Variants in NECAB2 observed in about 807,000 individuals in gnomAD.
NECAB2 encodes N-terminal EF-hand calcium binding protein 2.
Under a neutral mutation model 51.9 loss-of-function variants are expected in NECAB2, and 68 were observed. That is an observed-to-expected ratio of 1.31 (90% CI 1.08 to 1.60). The LOEUF is 1.60. Among genes scored for constraint, NECAB2 ranks in the 40% most tolerant of loss-of-function variants. The pLI is 0.00. For missense variants in NECAB2, 854 were observed against 490.3 expected, an observed-to-expected ratio of 1.74 and a Z score of -7.00; for synonymous variants, 329 against 203.5, an observed-to-expected ratio of 1.62 and a Z score of -5.25.
intron 6 of NECAB2, among the ~76,000 whole-genome samples, chr16:83,991,662 T>G (rs1413390372): frequency 6.6e-6 from 1 of 151,526 alleles, no homozygotes; most frequent in Non-Finnish European, 1.5e-5. Context: ...CTTATTTTAT[T>G]TATTGACACA....
chr16:83,999,337 T>A (rs1232805564), intron 10 of NECAB2, among the ~76,000 whole-genome samples: 4 of 152,158 alleles, frequency 2.6e-5, no homozygotes, highest in Admixed American at 2.6e-4. Context: ...CTTGATCTTT[T>A]TCCATTACGT....
chr16:83,993,832 G>C (rs2084657584), intron 6 of NECAB2, among the ~76,000 whole-genome samples: 1 of 152,130 alleles, frequency 6.6e-6, no homozygotes, highest in Admixed American at 6.5e-5. Context: ...TGTCTCTTTA[G>C]GTCTCGCTTT....
At chr16:83,999,219 C>G (rs543982267) in intron 10 of NECAB2, among the ~76,000 whole-genome samples, 4 of 152,194 alleles carry the variant, frequency 2.6e-5, no homozygotes, top group South Asian at 2.1e-4. Context: ...CGGCCGTTCC[C>G]GAGACTCGGC....
chr16:83,988,198 T>A (rs2084578902), intron 5 of NECAB2, among the ~76,000 whole-genome samples: 1 of 152,224 alleles, frequency 6.6e-6, no homozygotes, highest in Non-Finnish European at 1.5e-5. Context: ...CCACCTTTTT[T>A]ATTATGATTG....
At chr16:83,980,667 G>C (rs1049978231) in intron 3 of NECAB2, among the ~76,000 whole-genome samples, 172 bp from the exon 4 acceptor site, 7 of 152,172 alleles carry the variant, frequency 4.6e-5, no homozygotes, top group Non-Finnish European at 7.4e-5. Context: ...TGGGCCTTCA[G>C]GGGCGGGGGT....
chr16:83,982,401 A>G (rs2084499724), intron 5 of NECAB2, among the ~76,000 whole-genome samples: 1 of 152,174 alleles, frequency 6.6e-6, no homozygotes, highest in African/African-American at 2.4e-5. Context: ...TCTTTGTAGA[A>G]TATCGTTTGA....
At chr16:83,968,873 C>T in intron 1 of NECAB2, 24 bp downstream of exon 1, 3 of 1,108,068 alleles carry the variant, frequency 2.7e-6, no homozygotes, top group East Asian at 5.0e-5. Context: ...GGCCGGGACC[C>T]CCGCCGTGGC....
Position 83,980,864 on chromosome 16 carries a change from G to A in NECAB2, c.361G>A (p.Asp121Asn). The A allele has an allele frequency of 6.2e-7, 1 of 1,607,886 alleles. No homozygotes were observed. The highest frequency in any genetic ancestry group is 8.5e-7 in the Non-Finnish European group (1 of 1,176,758). ...TNHVDTKELC[D>N]YFVDHMGDYE... ...CCATGTGGACACCAAGGAGCTGTGT[G>A]GTAGGTGCCTGGCTATGCTGGGACC... Residue 121 changes from aspartate to asparagine, a missense_variant and splice_region_variant, in exon 4 of 13, where the codon GAT becomes AAT. Physicochemically the swap from Asp to Asn is conservative, Grantham distance 23. Transcript: ENST00000305202.
intron 5 of NECAB2, among the ~76,000 whole-genome samples, chr16:83,983,489 A>G (rs1487925180): frequency 1.3e-5 from 2 of 152,178 alleles, no homozygotes; most frequent in Non-Finnish European, 2.9e-5. Flanking sequence ...CCTTGTCAGC[A>G]TGTTGGAGAA....
intron 6 of NECAB2, among the ~76,000 whole-genome samples, chr16:83,992,588 G>C (rs1457316392): frequency 6.6e-6 from 1 of 152,176 alleles, no homozygotes. Context: ...GTTTGCTGGG[G>C]GACTGGGGTT....
intron 5 of NECAB2, among the ~76,000 whole-genome samples, chr16:83,984,521 A>G (rs900399125): frequency 1.3e-5 from 2 of 151,600 alleles, no homozygotes; most frequent in African/African-American, 2.4e-5. Context: ...CCAGAAGTTC[A>G]AGACCACCCT....
intron 3 of NECAB2, among the ~76,000 whole-genome samples, 188 bp downstream of exon 3, chr16:83,978,740 T>G (rs550241404): frequency 3.8e-4 from 58 of 152,180 alleles, no homozygotes; most frequent in Admixed American, 8.5e-4. Context: ...CATATTGCAT[T>G]GGCTACTATC....
At chr16:83,998,629 C>G (rs747816543) in intron 10 of NECAB2, among the ~76,000 whole-genome samples, 3 of 152,272 alleles carry the variant, frequency 2.0e-5, no homozygotes, top group East Asian at 3.9e-4. Context: ...GTGAAGGGCT[C>G]CAGCTGGGCC....
Position 83,968,280 on chromosome 16 carries a change from G to C in NECAB2, c.-369G>C, listed in dbSNP as rs1318098080. 6.6e-6 allele frequency among the ~76,000 whole-genome samples: 1 copy of C among 151,394 alleles called. No homozygotes were observed. Among genetic ancestry groups the C allele is most frequent in the Admixed American group, 6.6e-5 (1 of 15,202 alleles). ...GCCGCGAGTGGGAGGGGGGACTTTA[G>C]AAGCGGGGAGAGCAGGAGACTTTTG... On this transcript the variant is annotated 5_prime_UTR_variant, in exon 1 of 13. Coordinates refer to ENST00000305202, the MANE Select transcript of NECAB2 (RefSeq NM_019065.3).
At chr16:84,000,627 G>A (rs2151103299) in intron 10 of NECAB2, 97 bp from the exon 11 acceptor site, 2 of 893,094 alleles carry the variant, frequency 2.2e-6, no homozygotes, top group East Asian at 2.4e-5. Context: ...GGCAGCCGTT[G>A]TGTATAGTGG....
At chr16:83,994,818 G>A in intron 8 of NECAB2, 130 bp downstream of exon 8, 1 of 1,056,582 alleles carries the variant, frequency 9.5e-7, no homozygotes, top group Non-Finnish European at 1.4e-6. Context: ...CATCCCCCAG[G>A]TGGGGCGTGG....
At chr16:83,985,830 GTGTT>G (rs1297664672) in intron 5 of NECAB2, among the ~76,000 whole-genome samples, 1 of 151,844 alleles carries the variant, frequency 6.6e-6, no homozygotes, top group Non-Finnish European at 1.5e-5. Flanking sequence ...CATTACATTT[GTGTT>G]TGTTTTTGTA....
intron 8 of NECAB2, among the ~76,000 whole-genome samples, chr16:83,995,697 G>C (rs2084688155): frequency 6.6e-6 from 1 of 152,070 alleles, no homozygotes; most frequent in African/African-American, 2.4e-5. Context: ...TTTAGTTTGG[G>C]GGTTCTCAGG....
chr16:83,990,256 A>G lies in NECAB2; in HGVS notation c.460-238A>G, dbSNP rs2084605069. ...TTCAGTGACCCCATTATACTCTGGG[A>G]GGTCACAGAGCTAGTAAGTGGTGAA... On this transcript the variant is annotated intron_variant, in intron 5 of 12. Transcript: ENST00000305202. Among the ~76,000 whole-genome samples the G allele has an allele frequency of 2.6e-5, 4 of 152,132 alleles. 1 individual carries two copies. The South Asian group carries it at 8.3e-4, about 31-fold the overall frequency.
Sources: gnomAD v4.1 joint callset for allele counts (sites outside exome capture counted in the v4.1 genomes callset) on GRCh38, gnomAD v4.1.1 for gene constraint, MANE v1.5 for transcripts, NCBI Gene and HGNC (gene_info 2026-07-23, HGNC 2026-07-21) for gene names.